FILIP1: variants seen among roughly 807,000 people sequenced by gnomAD.
The protein encoded by FILIP1 is filamin-A-interacting protein 1.
FILIP1 carries 61 observed loss-of-function variants against 102.1 expected under a neutral mutation model. That is an observed-to-expected ratio of 0.60 (90% confidence interval 0.49 to 0.74). The LOEUF (loss-of-function observed/expected upper bound fraction) is 0.74, where lower values mean the gene tolerates loss of function less well. Ranked by LOEUF, FILIP1 falls within the 30% of genes least tolerant of loss-of-function variation. The pLI is 0.00. For synonymous variants in FILIP1, 491 were observed against 526.9 expected (o/e 0.93, Z 0.93); for missense variants, 1,314 against 1,441.2 (o/e 0.91, Z 1.43).
Position 75,313,309 on chromosome 6 carries a change from C to T in FILIP1, c.2523G>A (p.Val841=), listed in dbSNP as rs1490769457. 2 of 1,614,198 alleles carry T rather than the reference C, an allele frequency of 1.2e-6. No individual in the cohort carries two copies. Among genetic ancestry groups the T allele is most frequent in the Admixed American group, 1.7e-5 (1 of 60,024 alleles). Residue 841 remains valine (V), a synonymous_variant, in exon 5 of 6, where the codon GTG becomes GTA. Transcript: ENST00000237172. This position sits in a 1 kb window ranked among gnomAD's most constrained non-coding sequence, Gnocchi z 4.2. ...ATCTTTCCACGGGTTTCTTCAATCC[C>T]ACCTGCCGAAGATTACTCATAATAT... ...ENHIMSNLRQ[V]GLKKPVERSS... is the part of the protein sequence containing the mutation.
intron 3 of FILIP1, chr6:75,357,517 T>C (rs191777949): frequency 6.6e-6 from 1 of 152,382 alleles, no homozygotes; most frequent in African/African-American, 2.4e-5. Flanking sequence ...CTAGCACAGC[T>C]TGACCACAAC....
At chr6:75,419,674 CA>C (rs1008049830) in intron 1 of FILIP1, among the ~76,000 whole-genome samples, 2 of 152,080 alleles carry the variant, frequency 1.3e-5, no homozygotes, top group Admixed American at 6.6e-5. Flanking sequence ...ACCCAAAACT[CA>C]AAAAGAAAAC....
intron 1 of FILIP1, among the ~76,000 whole-genome samples, chr6:75,466,744 G>A (rs1184532522): frequency 2.6e-5 from 4 of 152,212 alleles, no homozygotes; most frequent in Admixed American, 2.0e-4. Context: ...TATCTGTGCT[G>A]TCTAGTACAG....
At position 75,315,065 on chromosome 6, in the gene FILIP1, A is replaced by T; in HGVS notation, c.767T>A (p.Met256Lys). The change falls in exon 5 of 6, where the codon ATG becomes AAG. Residue 256 changes from methionine (M) to lysine (K), a missense_variant. By Grantham distance (95) the Met-to-Lys change is moderately conservative. Around this residue, in one of 3 missense-constraint regions of FILIP1, gnomAD observed 494 missense variants for 511.2 expected, o/e 0.97. Coordinates refer to ENST00000237172, the MANE Select transcript of FILIP1 (RefSeq NM_015687.5). ...FALMLVDERQ[M>K]HIEQLGLQSQ... The stretch of plus-strand genomic sequence containing the variant: ...TTGCAGGCCAAGTTGTTCAATGTGC[A>T]TTTGTCTTTCATCCACCAGCATGAG... 6.2e-7 allele frequency: 1 copy of T among 1,614,120 alleles called. No individual in the cohort carries two copies. The highest frequency in any genetic ancestry group is 1.3e-5 in the African/African-American group (1 of 75,036).
chr6:75,356,068 C>T (rs964403912), intron 3 of FILIP1, among the ~76,000 whole-genome samples: 5 of 152,288 alleles, frequency 3.3e-5, no homozygotes, highest in South Asian at 2.1e-4. Context: ...AAAAATCCAC[C>T]GCCACCCCAA....
intron 2 of FILIP1, among the ~76,000 whole-genome samples, chr6:75,385,897 T>C (rs1582427460): frequency 1.3e-5 from 2 of 151,994 alleles, no homozygotes; most frequent in East Asian, 3.9e-4. Flanking sequence ...CAGCATAACA[T>C]TGATTATGGC....
chr6:75,340,319 G>A (rs193163178), intron 4 of FILIP1, among the ~76,000 whole-genome samples: 2 of 152,102 alleles, frequency 1.3e-5, no homozygotes, highest in East Asian at 3.9e-4. Context: ...ACTGTTATAT[G>A]GATGGTTCTC....
At chr6:75,372,603 A>AAAAG (rs1302181065) in intron 2 of FILIP1, among the ~76,000 whole-genome samples, 1 of 136,258 alleles carries the variant, frequency 7.3e-6, no homozygotes. Flanking sequence ...GGCTATCAAG[A>AAAAG]AAAGAAAGAA....
chr6:75,423,732 T>C (rs1427207894), intron 1 of FILIP1, among the ~76,000 whole-genome samples: 4 of 152,144 alleles, frequency 2.6e-5, no homozygotes, highest in Non-Finnish European at 4.4e-5. Context: ...TCATCCGCCA[T>C]ACTCACCTGA....
At chr6:75,363,056 ATTT>A in intron 2 of FILIP1, 139 bp from the exon 3 acceptor site, 1 of 626,020 alleles carries the variant, frequency 1.6e-6, no homozygotes, top group Non-Finnish European at 2.5e-6. Context: ...TTCTGCTCTA[ATTT>A]TTTTTTTTAA....
chr6:75,470,164 T>A (rs1016206919), intron 1 of FILIP1, among the ~76,000 whole-genome samples: 18 of 151,994 alleles, frequency 1.2e-4, no homozygotes, highest in African/African-American at 3.6e-4. Context: ...AAGCTCAAGA[T>A]AATCAAAGGA....
chr6:75,313,571 CT>C lies in FILIP1; in HGVS notation c.2260del (p.Arg754AspfsTer19). On this transcript the variant is annotated frameshift_variant, in exon 5 of 6. Coordinates refer to ENST00000237172, the MANE Select transcript of FILIP1 (RefSeq NM_015687.5). LOFTEE classifies it high-confidence loss of function. The surrounding 1 kb of genome is among the most constrained non-coding windows in gnomAD (Gnocchi z 4.2). ...LQVDYSVLQQ[R>X]FMEEENKNKN... Reference sequence around the variant, plus strand: ...GTTCTTATTTTCTTCTTCCATAAATCTTTGTTGAAGTACAGAATAATCTACC... The same window carrying C: ...GTTCTTATTTTCTTCTTCCATAAATCTTGTTGAAGTACAGAATAATCTACC... 1 of 1,614,110 alleles carries C rather than the reference CT, an allele frequency of 6.2e-7. No homozygotes were observed. The highest frequency in any genetic ancestry group is 8.5e-7 in the Non-Finnish European group (1 of 1,180,002).
chr6:75,479,868 C>CAAAAAAAAAA, intron 1 of FILIP1, among the ~76,000 whole-genome samples: 1 of 42,852 alleles, frequency 2.3e-5, no homozygotes, highest in Non-Finnish European at 4.3e-5. Context: ...AGCTGTATCT[C>CAAAAAAAAAA]AAAAAAAAAA....
chr6:75,293,775 T>C (rs1437448218), exon 7 of FILIP1: 2 of 152,240 alleles, frequency 1.3e-5, no homozygotes, highest in African/African-American at 4.8e-5. Context: ...CAAATACTAA[T>C]CTAATATATC....
At chr6:75,430,900 C>T (rs1777801778) in intron 1 of FILIP1, among the ~76,000 whole-genome samples, 1 of 152,140 alleles carries the variant, frequency 6.6e-6, no homozygotes, top group Non-Finnish European at 1.5e-5. Flanking sequence ...GGCAAAAGCA[C>T]AAAAACACAT....
Position 75,314,259 on chromosome 6 carries a change from TTC to T in FILIP1, c.1571_1572del (p.Arg524LysfsTer7), listed in dbSNP as rs778412132. 1.4e-5 allele frequency: 22 copies of T among 1,556,278 alleles called. No homozygotes were observed. The highest frequency in any genetic ancestry group is 1.8e-5 in the Non-Finnish European group (21 of 1,162,736). ...AAATTTTTATTGAGTCCATCCACTT[TTC>T]TCTCTTCTTGTTTTATTTTTTCCAT... ...NMMEKIKQEE[R>X]KVDGLNKNFK... is the part of the protein sequence containing the mutation. On this transcript the variant is annotated frameshift_variant, in exon 5 of 6. Coordinates refer to ENST00000237172, the MANE Select transcript of FILIP1 (RefSeq NM_015687.5). LOFTEE classifies it high-confidence loss of function.
chr6:75,314,257 T>C lies in FILIP1; in HGVS notation c.1575A>G (p.Lys525=), dbSNP rs1252405082. The C allele has an allele frequency of 1.2e-5, 18 of 1,557,144 alleles. No individual in the cohort carries two copies. The highest frequency in any genetic ancestry group is 1.5e-5 in the Non-Finnish European group (17 of 1,163,064). Residue 525 remains lysine, a synonymous_variant, in exon 5 of 6, where the codon AAA becomes AAG. Coordinates refer to ENST00000237172, the MANE Select transcript of FILIP1 (RefSeq NM_015687.5). ...MMEKIKQEER[K]VDGLNKNFKV... ...TAAAATTTTTATTGAGTCCATCCAC[T>C]TTTCTCTCTTCTTGTTTTATTTTTT...
At chr6:75,455,113 AT>A (rs1175538337) in intron 1 of FILIP1, 2 of 141,842 alleles carry the variant, frequency 1.4e-5, no homozygotes, top group Non-Finnish European at 3.0e-5. Flanking sequence ...CTTTCAAGAG[AT>A]TGGGGGGGTG....
At position 75,366,423 on chromosome 6, in the gene FILIP1, A is replaced by C. The variant is rs145311112; in HGVS notation, c.277-3506T>G. On this transcript the variant is annotated intron_variant, in intron 2 of 5. Coordinates refer to ENST00000237172, the MANE Select transcript of FILIP1 (RefSeq NM_015687.5). ...TGAATTTTAATTAAAATATAGGAAT[A>C]AAATTTTTATCATGATATAGTAGAA... Among the ~76,000 whole-genome samples the C allele has an allele frequency of 6.0e-3, 915 of 152,352 alleles. 6 individuals carry two copies. Among genetic ancestry groups the C allele is most frequent in the African/African-American group, 0.021 (885 of 41,576 alleles).
Sources: allele counts gnomAD v4.1 joint callset (sites outside exome capture counted in the v4.1 genomes callset), GRCh38; gene constraint gnomAD v4.1.1; regional missense constraint gnomAD v4.1.1; non-coding constraint Gnocchi (gnomAD v3.1); transcripts MANE v1.5; gene names NCBI Gene and HGNC (gene_info 2026-07-23, HGNC 2026-07-21).